Variants in WAC observed in about 807,000 individuals in gnomAD.
The protein encoded by WAC is WW domain containing adaptor with coiled-coil.
In WAC, 11 loss-of-function variants were observed where a neutral mutation model predicts 79.6. That is an observed-to-expected ratio of 0.14 (90% confidence interval 0.09 to 0.23). WAC has a LOEUF of 0.23. Among genes scored for constraint, WAC ranks in the 10% least tolerant of loss-of-function variants. The pLI is 1.00. For missense variants in WAC, 728 were observed against 773.5 expected, an observed-to-expected ratio of 0.94 and a Z score of 0.70; for synonymous variants, 304 against 276.9, an observed-to-expected ratio of 1.10 and a Z score of -0.97.
chr10:28,559,135 GA>G (rs1338139671), intron 3 of WAC, among the ~76,000 whole-genome samples: 2 of 64,728 alleles, frequency 3.1e-5, no homozygotes, highest in African/African-American at 1.5e-4. Flanking sequence ...CGAGAAACCT[GA>G]TGTGTGTGTG....
At chr10:28,568,013 C>T (rs1005761447) in intron 3 of WAC, among the ~76,000 whole-genome samples, 2 of 152,234 alleles carry the variant, frequency 1.3e-5, no homozygotes, top group Admixed American at 1.3e-4. Context: ...ACTGGGATTA[C>T]AGGCCTGAGC....
chr10:28,586,629 G>A (rs1276585646), intron 4 of WAC, among the ~76,000 whole-genome samples: 4 of 152,106 alleles, frequency 2.6e-5, no homozygotes, highest in Middle Eastern at 3.2e-3. Context: ...AGGCTGCTGC[G>A]TTGAGCTATG....
At chr10:28,585,909 G>A (rs776923399) in intron 4 of WAC, among the ~76,000 whole-genome samples, 2 of 152,180 alleles carry the variant, frequency 1.3e-5, no homozygotes, top group African/African-American at 2.4e-5. Context: ...AATAATGGGC[G>A]TAGATAAGCT....
At chr10:28,583,967 T>C (rs1839674012) in intron 4 of WAC, among the ~76,000 whole-genome samples, 1 of 152,278 alleles carries the variant, frequency 6.6e-6, no homozygotes, top group Non-Finnish European at 1.5e-5. Context: ...TGAGGGATTT[T>C]AAATATTTTC....
intron 3 of WAC, among the ~76,000 whole-genome samples, chr10:28,581,762 T>C (rs577482483): frequency 6.6e-6 from 1 of 152,210 alleles, no homozygotes; most frequent in East Asian, 1.9e-4. Flanking sequence ...GGTTTTACCA[T>C]GTTGGTCAGG....
chr10:28,549,147 C>A (rs981564223), intron 3 of WAC, among the ~76,000 whole-genome samples: 1 of 142,762 alleles, frequency 7.0e-6, no homozygotes, highest in African/African-American at 2.4e-5. Flanking sequence ...AATCCTCCTG[C>A]TTCAGCCTCC....
intron 1 of WAC, 52 bp from the exon 2 acceptor site, chr10:28,533,945 GC>G (rs977694462): frequency 1.4e-5 from 22 of 1,598,518 alleles, no homozygotes; most frequent in Middle Eastern, 2.1e-4. Context: ...TTCCTCCCCG[GC>G]CCCCCACCCG....
chr10:28,538,930 A>C (rs1232361907), intron 3 of WAC, among the ~76,000 whole-genome samples: 2 of 151,956 alleles, frequency 1.3e-5, no homozygotes, highest in African/African-American at 4.8e-5. Context: ...TCAAAAATCA[A>C]ATGCAAGTGA....
rs1841676608 is a variant in WAC at position 28,621,177 on chromosome 10, T to TC, written c.*1572dup. 1 of 128,202 alleles carries TC rather than the reference T, an allele frequency of 7.8e-6. No homozygotes were observed. 7.9% of individuals were successfully genotyped at this position (128,202 alleles called of 1,614,324 possible). On this transcript the variant is annotated 3_prime_UTR_variant, in exon 14 of 14. Coordinates refer to ENST00000354911, the MANE Select transcript of WAC (RefSeq NM_016628.5). ...TTAGAAAGGTGTTTCTTCTTCTTCT[T>TC]CTTTTTTTTCTTTAAATTGGTTTAG... is the stretch of plus-strand genomic sequence containing the variant.
intron 3 of WAC, among the ~76,000 whole-genome samples, chr10:28,566,066 T>A (rs1044076049): frequency 6.6e-6 from 1 of 152,230 alleles, no homozygotes; most frequent in Admixed American, 6.5e-5. Flanking sequence ...CTACTTACTC[T>A]GCCTTAGACG....
intron 6 of WAC, 164 bp downstream of exon 6, chr10:28,590,996 A>T (rs1840052698): frequency 1.6e-6 from 1 of 626,356 alleles, no homozygotes; most frequent in African/African-American, 1.9e-5. Context: ...TTGGTCCCTG[A>T]AAAGGGAAAA....
At chr10:28,534,589 A>G (rs943792114) in intron 2 of WAC, among the ~76,000 whole-genome samples, 7 of 152,192 alleles carry the variant, frequency 4.6e-5, no homozygotes, top group African/African-American at 1.7e-4. Flanking sequence ...TTGGATAATC[A>G]TTCTGATGTA....
chr10:28,543,244 G>A (rs1466059502), intron 3 of WAC, among the ~76,000 whole-genome samples: 11 of 152,178 alleles, frequency 7.2e-5, no homozygotes, highest in Admixed American at 7.2e-4. Context: ...GTGGAAATAT[G>A]TTGGCCACAA....
At chr10:28,582,659 T>C (rs1193869080) in intron 3 of WAC, among the ~76,000 whole-genome samples, 3 of 152,230 alleles carry the variant, frequency 2.0e-5, no homozygotes, top group Non-Finnish European at 2.9e-5. Flanking sequence ...AACATTAGAC[T>C]TCTGTGGTGA....
rs549281522 is a variant in WAC at position 28,621,005 on chromosome 10, A to C, written c.*1399A>C. The stretch of plus-strand genomic sequence containing the variant: ...CTATTGCTACTATAAAATTACCTTG[A>C]CTTTTTTTTTCCTTTGCTGAAATAT... On this transcript the variant is annotated 3_prime_UTR_variant, in exon 14 of 14. Transcript: ENST00000354911. 2.0e-5 allele frequency: 3 copies of C among 152,016 alleles called. No individual in the cohort carries two copies. The highest frequency in any genetic ancestry group is 2.0e-4 in the Admixed American group (3 of 15,282). The allele number at this position is 152,016 out of a possible 1,614,324, so 9.4% of individuals were successfully genotyped here.
intron 3 of WAC, among the ~76,000 whole-genome samples, chr10:28,555,601 T>C (rs1028882795): frequency 3.3e-5 from 5 of 152,114 alleles, no homozygotes. Context: ...TAAGGAAACA[T>C]ACAGTGGTGA....
intron 3 of WAC, among the ~76,000 whole-genome samples, chr10:28,578,406 A>G (rs574031136): frequency 1.3e-5 from 2 of 152,170 alleles, no homozygotes; most frequent in Admixed American, 1.3e-4. Context: ...TAAGACTTCT[A>G]AGTCTGTGGA....
At chr10:28,578,740 CCTT>C (rs773347674) in intron 3 of WAC, among the ~76,000 whole-genome samples, 3 of 152,048 alleles carry the variant, frequency 2.0e-5, no homozygotes, top group Non-Finnish European at 2.9e-5. Context: ...TAGGTTGTGT[CCTT>C]CTCACCCTTA....
At chr10:28,589,609 A>G in intron 4 of WAC, 127 bp from the exon 5 acceptor site, 1 of 526,912 alleles carries the variant, frequency 1.9e-6, no homozygotes. Context: ...TACACAGATA[A>G]TTGCATTCTA....
Sources: allele counts gnomAD v4.1 joint callset (sites outside exome capture counted in the v4.1 genomes callset), GRCh38; gene constraint gnomAD v4.1.1; transcripts MANE v1.5; gene names NCBI Gene and HGNC (gene_info 2026-07-23, HGNC 2026-07-21).